APTX: variants seen among roughly 807,000 people sequenced by gnomAD.
APTX encodes aprataxin, also known as forkhead-associated domain histidine triad-like protein.
In APTX, 33 loss-of-function variants were observed where a neutral mutation model predicts 42.3. The ratio of observed to expected loss-of-function variants is 0.78; its 90% CI spans 0.59 to 1.04. The LOEUF (loss-of-function observed/expected upper bound fraction) is 1.04. Among genes scored for constraint, APTX ranks in the 50% least tolerant of loss-of-function variants. APTX has a pLI of 0.00. For synonymous variants in APTX, 130 were observed against 146.7 expected (o/e 0.89, Z 0.82); for missense variants, 421 against 415.1 (o/e 1.01, Z -0.12).
intron 6 of APTX, among the ~76,000 whole-genome samples, chr9:32,980,888 G>A (rs1356946049): frequency 6.6e-6 from 1 of 152,168 alleles, no homozygotes; most frequent in Non-Finnish European, 1.5e-5. Context: ...ATGCCTTTTT[G>A]TATAACAGCT....
chr9:32,976,340 G>A (rs1829406768), intron 6 of APTX, among the ~76,000 whole-genome samples: 1 of 152,002 alleles, frequency 6.6e-6, no homozygotes, highest in Admixed American at 6.6e-5. Flanking sequence ...TATCAAACCT[G>A]CCTGTTGTGC....
chr9:33,020,255 T>A (rs1322138495), intron 1 of APTX: 1 of 169,740 alleles, frequency 5.9e-6, no homozygotes, highest in East Asian at 1.6e-4. Flanking sequence ...CCTGGCTTCT[T>A]CCTCCTTCTG....
intron 1 of APTX, among the ~76,000 whole-genome samples, chr9:33,000,585 C>G (rs1180937441): frequency 5.9e-5 from 8 of 134,730 alleles, no homozygotes; most frequent in Non-Finnish European, 1.1e-4. Context: ...GAGATCACGC[C>G]GTTGCTCTCC....
upstream of APTX, among the ~76,000 whole-genome samples, chr9:33,001,955 T>C (rs1836648240): frequency 6.6e-6 from 1 of 152,204 alleles, no homozygotes; most frequent in African/African-American, 2.4e-5. Context: ...GTTCACAACC[T>C]TTAAGGCCAT....
chr9:33,023,067 G>T (rs972601037), intron 1 of APTX, among the ~76,000 whole-genome samples: 4 of 152,134 alleles, frequency 2.6e-5, no homozygotes, highest in African/African-American at 9.7e-5. Context: ...GGACTCAAGG[G>T]ATCCGCCTGC....
intron 5 of APTX, 24 bp from the exon 6 acceptor site, chr9:32,984,881 G>A (rs1587437328): frequency 3.2e-6 from 5 of 1,585,712 alleles, no homozygotes; most frequent in Non-Finnish European, 4.3e-6. Flanking sequence ...ACAAGAGAAG[G>A]AAACAGACAT....
intron 1 of APTX, among the ~76,000 whole-genome samples, chr9:33,010,049 GAAA>G (rs2119220908): frequency 6.6e-6 from 1 of 152,218 alleles, no homozygotes; most frequent in African/African-American, 2.4e-5. Flanking sequence ...TTGAAACTTA[GAAA>G]ACTTCTCTGG....
rs376233931 is a variant in APTX at position 33,022,793 on chromosome 9, GTTTT to G, written c.-5+2226_-5+2229del. Reference sequence around the variant, plus strand: ...AAGACCACATACAAAGTTATTGCCAGTTTTTTTATTTTATTTTACGTAAGAATGC... The same window carrying G: ...AAGACCACATACAAAGTTATTGCCAGTTTATTTTATTTTACGTAAGAATGC... On this transcript the variant is annotated intron_variant, in intron 1 of 6. Transcript: ENST00000436040. 5.3e-3 allele frequency among the ~76,000 whole-genome samples: 807 copies of G among 152,288 alleles called. 8 individuals are homozygous for G. The highest frequency in any genetic ancestry group is 0.018 in the African/African-American group (753 of 41,552).
At chr9:33,006,999 CAAAAAAAAAAAA>C (rs55924566) in intron 1 of APTX, among the ~76,000 whole-genome samples, 2 of 49,446 alleles carry the variant, frequency 4.0e-5, no homozygotes, top group Admixed American at 2.9e-4. Flanking sequence ...GACTCTGTCT[CAAAAAAAAAAAA>C]AAAAAAAAAA....
At chr9:33,007,051 C>G (rs1837211572) in intron 1 of APTX, among the ~76,000 whole-genome samples, 1 of 142,640 alleles carries the variant, frequency 7.0e-6, no homozygotes, top group Non-Finnish European at 1.6e-5. Context: ...AAAGGCCTAT[C>G]TGAGGAAAGG....
At chr9:32,985,562 C>T (rs1431402813) in intron 5 of APTX, among the ~76,000 whole-genome samples, 1 of 152,064 alleles carries the variant, frequency 6.6e-6, no homozygotes, top group Non-Finnish European at 1.5e-5. Flanking sequence ...TCTCGAACTC[C>T]TGACCTCAGG....
chr9:32,983,486 C>G (rs1469318585), intron 6 of APTX, among the ~76,000 whole-genome samples: 1 of 152,088 alleles, frequency 6.6e-6, no homozygotes, highest in Non-Finnish European at 1.5e-5. Flanking sequence ...AACTATGCAT[C>G]TTATTATGCA....
In APTX at chr9:32,973,055, C is replaced by T. The variant is rs946507857; in HGVS notation, c.*443G>A. On this transcript the variant is annotated 3_prime_UTR_variant, in exon 8 of 8. Coordinates refer to ENST00000379817, the MANE Select transcript of APTX (RefSeq NM_001195248.2). Reference sequence around the variant, plus strand: ...TATTACAAAACAGACTAACAGAAAACAAGACCCATCAGTATCTTCAGGATA... The same window carrying T: ...TATTACAAAACAGACTAACAGAAAATAAGACCCATCAGTATCTTCAGGATA... 1.3e-5 allele frequency: 6 copies of T among 454,458 alleles called. No homozygotes were observed. Among genetic ancestry groups the T allele is most frequent in the African/African-American group, 4.0e-5 (2 of 50,032 alleles). 28.2% of individuals were successfully genotyped at this position (454,458 alleles called of 1,614,324 possible).
At position 33,017,701 on chromosome 9, in the gene APTX, G is replaced by A. The variant is rs191574263; in HGVS notation, c.-5+7322C>T. Among the ~76,000 whole-genome samples, 4 of 152,228 alleles carry A rather than the reference G, an allele frequency of 2.6e-5. No homozygotes were observed. In the East Asian group the frequency reaches 7.7e-4, roughly 29 times the overall value. On this transcript the variant is annotated intron_variant, in intron 1 of 6. Coordinates refer to the APTX transcript ENST00000436040. ...ATTTCTCAGTTTGGGGAAGGGATAC[G>A]GACCTTCAAGGCCCTCTCCGGGAGC...
chr9:32,988,200 A>C, intron 2 of APTX, 71 bp from the exon 3 acceptor site: 1 of 1,422,460 alleles, frequency 7.0e-7, no homozygotes, highest in East Asian at 2.3e-5. Context: ...TCTTCCCTAA[A>C]GAAAACAAGC....
At chr9:33,017,029 G>A (rs1171682142) in intron 1 of APTX, among the ~76,000 whole-genome samples, 1 of 152,162 alleles carries the variant, frequency 6.6e-6, no homozygotes, top group Non-Finnish European at 1.5e-5. Flanking sequence ...AAATAAAACT[G>A]TTCCTCTATT....
chr9:32,987,833 G>A lies in APTX; in HGVS notation c.194C>T (p.Pro65Leu), dbSNP rs751301480. 6.2e-7 allele frequency: 1 copy of A among 1,613,352 alleles called. No individual in the cohort carries two copies. Among genetic ancestry groups the A allele is most frequent in the South Asian group, 1.1e-5 (1 of 91,040 alleles). The change falls in exon 4 of 8, where the codon CCC becomes CTC. Residue 65 changes from proline (P) to leucine (L), a missense_variant. Coordinates refer to ENST00000379817, the MANE Select transcript of APTX (RefSeq NM_001195248.2). ...AATTACGACTGAGTCAATGCTGGTG[G>A]GATTGACTCCTACCTATGGAATAAA... is the stretch of plus-strand genomic sequence containing the variant. ...YVKVKQVGVNPTSIDSVVIGK... is the reference protein window; with the variant it reads ...YVKVKQVGVNLTSIDSVVIGK...
At position 32,984,393 on chromosome 9, in the gene APTX, A is replaced by G. The variant is rs3780475; in HGVS notation, c.770+238T>C. ...TAGTTCATATATTAGGCTCTCGAAGATTTATATTTTGAGAGGAACAAAGAA... is the reference window on the plus strand; with the variant it reads ...TAGTTCATATATTAGGCTCTCGAAGGTTTATATTTTGAGAGGAACAAAGAA... On this transcript the variant is annotated intron_variant, in intron 6 of 7. Transcript: ENST00000379817. 0.32 allele frequency among the ~76,000 whole-genome samples: 48,219 copies of G among 152,020 alleles called. 8,022 individuals carry two copies. The highest frequency in any genetic ancestry group is 0.37 in the Non-Finnish European group (25,077 of 67,972).
rs28520693 is a variant in APTX at position 33,008,455 on chromosome 9, G to A, written c.-5+16568C>T. ...AGGGTCTCACTGTGTTACCCAGGCT[G>A]GTCTCAAACTGTTGGCCTCAAGCAG... On this transcript the variant is annotated intron_variant, in intron 1 of 6. Coordinates refer to the APTX transcript ENST00000436040. 4.0e-5 allele frequency among the ~76,000 whole-genome samples: 6 copies of A among 151,794 alleles called. No homozygotes were observed. In the East Asian group the frequency reaches 9.7e-4, roughly 24 times the overall value.
Sources: gnomAD v4.1 joint callset for allele counts (sites outside exome capture counted in the v4.1 genomes callset) on GRCh38, gnomAD v4.1.1 for gene constraint, MANE v1.5 for transcripts, NCBI Gene and HGNC (gene_info 2026-07-23, HGNC 2026-07-21) for gene names.